The following DYNC2H1 variants were observed in gnomAD, a reference collection of about 807,000 sequenced individuals.
DYNC2H1 encodes the protein dynein cytoplasmic 2 heavy chain 1, also known as cytoplasmic dynein 2 heavy chain 1.
In DYNC2H1, 410 loss-of-function variants were observed where a neutral mutation model predicts 570.0. The observed-to-expected ratio is 0.72, with a 90% CI of 0.66 to 0.78. The LOEUF is 0.78. DYNC2H1 is among the 30% of genes least tolerant of loss of function. The pLI is 0.00. For missense variants in DYNC2H1, 4,865 were observed against 5,046.4 expected (o/e 0.96, Z 1.09); for synonymous variants, 1,688 against 1,677.6 (o/e 1.01, Z -0.15).
intron 47 of DYNC2H1, among the ~76,000 whole-genome samples, chr11:103,196,544 G>A (rs1862512200): frequency 1.3e-5 from 2 of 152,142 alleles, no homozygotes; most frequent in African/African-American, 4.8e-5. Context: ...CTAAAGATAA[G>A]TAGTAGGTGA....
In DYNC2H1 at chr11:103,209,911, A is replaced by C. The variant is rs571120422; in HGVS notation, c.8490A>C (p.Gly2830=). ...PEMLFSETGG[G]EKYNDKKRKE... is the part of the protein sequence containing the mutation. ...TGTTATTCAGTGAAACAGGTGGTGG[A>C]GAAAAATACAATGATAAAAAACGAA... is the stretch of plus-strand genomic sequence containing the variant. The change falls in exon 53 of 89, where the codon GGA becomes GGC. Residue 2830 remains glycine, a synonymous_variant. Coordinates refer to ENST00000375735, the MANE Select transcript of DYNC2H1 (RefSeq NM_001377.3). The surrounding 1 kb of genome is among the most constrained non-coding windows in gnomAD (Gnocchi z 4.2). 10 of 1,497,220 alleles carry C rather than the reference A, an allele frequency of 6.7e-6. No homozygotes were observed. In the South Asian group the frequency reaches 1.1e-4, roughly 16 times the overall value. The allele number at this position is 1,497,220 out of a possible 1,614,324, so 92.7% of individuals were successfully genotyped here.
At chr11:103,115,116 T>G in intron 3 of DYNC2H1, 61 bp from the exon 4 acceptor site, 3 of 1,274,856 alleles carry the variant, frequency 2.4e-6, no homozygotes, top group Non-Finnish European at 3.3e-6. Context: ...TCTGCTGTTT[T>G]GTATTCATTT....
At chr11:103,460,152 C>G (rs1179056173) in intron 87 of DYNC2H1, among the ~76,000 whole-genome samples, 1 of 152,032 alleles carries the variant, frequency 6.6e-6, no homozygotes, top group East Asian at 1.9e-4. Flanking sequence ...CCACACCCAG[C>G]TTCTTGACAT....
chr11:103,431,962 C>T (rs975617019), intron 84 of DYNC2H1, among the ~76,000 whole-genome samples: 1 of 152,090 alleles, frequency 6.6e-6, no homozygotes, highest in African/African-American at 2.4e-5. Context: ...TTTGATGCAT[C>T]TCAGCTATTT....
chr11:103,393,331 A>G (rs1029021863), intron 83 of DYNC2H1, among the ~76,000 whole-genome samples: 1 of 152,184 alleles, frequency 6.6e-6, no homozygotes, highest in Non-Finnish European at 1.5e-5. Context: ...TTACTCTATT[A>G]TTCTACTAGT....
rs116087887 is a variant in DYNC2H1 at position 103,216,623 on chromosome 11, C to T, written c.8832+765C>T. ...CCTGGGCAATATAGTGAGACCTTAT[C>T]TCTACAAAAAAAGTAAAAATTAGTT... On this transcript the variant is annotated intron_variant, in intron 55 of 88. Transcript: ENST00000375735. Among the ~76,000 whole-genome samples the T allele has an allele frequency of 8.0e-3, 1,211 of 152,006 alleles. 13 individuals are homozygous for T. The highest frequency in any genetic ancestry group is 0.027 in the African/African-American group (1,123 of 41,462).
chr11:103,288,877 T>C (rs1430733528), intron 75 of DYNC2H1, among the ~76,000 whole-genome samples: 5 of 96,572 alleles, frequency 5.2e-5, no homozygotes, highest in African/African-American at 1.7e-4. Flanking sequence ...CAAGACTCAA[T>C]CTCAAAAAAA....
At position 103,255,501 on chromosome 11, in the gene DYNC2H1, A is replaced by G; in HGVS notation, c.10293A>G (p.Ile3431Met). 1 of 1,562,266 alleles carries G rather than the reference A, an allele frequency of 6.4e-7. No homozygotes were observed. Among genetic ancestry groups the G allele is most frequent in the Non-Finnish European group, 8.7e-7 (1 of 1,152,292 alleles). ...TACAACAGGAAGAAGATAAGAAAAT[A>G]CAGCTAGCCAAGCTCGAAGAATCTC... ...KLLQQEEDKK[I>M]QLAKLEESLL... Residue 3431 changes from isoleucine (I) to methionine (M), a missense_variant, in exon 67 of 89, where the codon ATA becomes ATG. Ile to Met is a conservative substitution (Grantham distance 10). Around this residue, in one of 5 missense-constraint regions of DYNC2H1, gnomAD observed 2,401 missense variants for 2,454.6 expected, o/e 0.98. Transcript: ENST00000375735.
chr11:103,147,427 AT>A (rs1195235782), intron 18 of DYNC2H1, among the ~76,000 whole-genome samples: 1 of 152,112 alleles, frequency 6.6e-6, no homozygotes, highest in Non-Finnish European at 1.5e-5. Context: ...TTTTATAAAT[AT>A]TTAAATAGGT....
At chr11:103,190,977 G>GTTTT (rs1862281987) in intron 45 of DYNC2H1, among the ~76,000 whole-genome samples, 1 of 119,892 alleles carries the variant, frequency 8.3e-6, no homozygotes, top group African/African-American at 3.4e-5. Flanking sequence ...TTTTTTTTTG[G>GTTTT]CCATCTGTTG....
In DYNC2H1 at chr11:103,127,298, A is replaced by G. The variant is rs542907311; in HGVS notation, c.1858-1612A>G. Among the ~76,000 whole-genome samples the G allele has an allele frequency of 1.6e-4, 25 of 152,356 alleles. No individual in the cohort carries two copies. The Middle Eastern group carries it at 0.02, about 124-fold the overall frequency. On this transcript the variant is annotated intron_variant, in intron 12 of 88. Transcript: ENST00000375735. ...TATTTGTATTTACCCTGGAAGAACA[A>G]CTGGGAAAATCTATTTATATATGCC...
At chr11:103,426,777 A>G (rs1943688424) in intron 84 of DYNC2H1, among the ~76,000 whole-genome samples, 1 of 150,934 alleles carries the variant, frequency 6.6e-6, no homozygotes, top group East Asian at 1.9e-4. Context: ...CAAGCATTTG[A>G]TTGATTGGTC....
intron 82 of DYNC2H1, among the ~76,000 whole-genome samples, chr11:103,342,059 T>G (rs1056054529): frequency 1.3e-5 from 2 of 152,154 alleles, no homozygotes; most frequent in Non-Finnish European, 2.9e-5. Context: ...GAGGATCACT[T>G]GAACCTGGGA....
At chr11:103,258,499 A>G (rs1449086943) in intron 69 of DYNC2H1, among the ~76,000 whole-genome samples, 1 of 152,202 alleles carries the variant, frequency 6.6e-6, no homozygotes, top group Non-Finnish European at 1.5e-5. Context: ...CACAACGTCT[A>G]GGACCTCAGC....
Position 103,256,347 on chromosome 11 carries a change from G to A in DYNC2H1, c.10461+107G>A, listed in dbSNP as rs2135263533. ...CCTCAGGGGAAAGATGATGTGAAAAGAAAAAAGCTATTCAAAAACATCAGA... is the reference window on the plus strand; with the variant it reads ...CCTCAGGGGAAAGATGATGTGAAAAAAAAAAAGCTATTCAAAAACATCAGA... On this transcript the variant is annotated intron_variant, in intron 68 of 88. Coordinates refer to ENST00000375735, the MANE Select transcript of DYNC2H1 (RefSeq NM_001377.3). This position sits in a 1 kb window ranked among gnomAD's most constrained non-coding sequence, Gnocchi z 4.0. The A allele has an allele frequency of 8.7e-7, 1 of 1,149,776 alleles. No homozygotes were observed. Among genetic ancestry groups the A allele is most frequent in the Non-Finnish European group, 1.2e-6 (1 of 828,956 alleles). The allele number at this position is 1,149,776 out of a possible 1,614,324, so 71.2% of individuals were successfully genotyped here.
intron 59 of DYNC2H1, among the ~76,000 whole-genome samples, chr11:103,225,604 G>A (rs1863771250): frequency 6.6e-6 from 1 of 152,170 alleles, no homozygotes; most frequent in African/African-American, 2.4e-5. Context: ...CTGTTCCATT[G>A]GTCTATGTGC....
intron 85 of DYNC2H1, among the ~76,000 whole-genome samples, chr11:103,445,521 C>A (rs921509590): frequency 2.0e-5 from 3 of 152,052 alleles, no homozygotes; most frequent in African/African-American, 7.2e-5. Context: ...AGGGTGGTAG[C>A]TGTGTATTAT....
At chr11:103,449,527 A>G (rs145909753) in intron 85 of DYNC2H1, among the ~76,000 whole-genome samples, 2 of 152,338 alleles carry the variant, frequency 1.3e-5, no homozygotes, top group African/African-American at 2.4e-5. Context: ...TGTTTAAAGA[A>G]TGAGGTCAAG....
At chr11:103,380,852 A>T (rs989560150) in intron 83 of DYNC2H1, among the ~76,000 whole-genome samples, 3 of 152,196 alleles carry the variant, frequency 2.0e-5, no homozygotes, top group African/African-American at 7.2e-5. Flanking sequence ...CTGAGCCAAC[A>T]TGCCTGGCCG....
Sources: gnomAD v4.1 joint callset for allele counts (sites outside exome capture counted in the v4.1 genomes callset) on GRCh38, gnomAD v4.1.1 for gene constraint, gnomAD v4.1.1 regional missense constraint, Gnocchi (gnomAD v3.1) non-coding constraint, MANE v1.5 for transcripts, NCBI Gene and HGNC (gene_info 2026-07-23, HGNC 2026-07-21) for gene names.